Variants in CEP76 observed in about 807,000 individuals in gnomAD.
The protein encoded by CEP76 is centrosomal protein 76, also known as centrosomal protein of 76 kDa.
A neutral mutation model predicts 83.3 loss-of-function variants in CEP76; 55 were observed. The ratio of observed to expected loss-of-function variants is 0.66; its 90% CI spans 0.53 to 0.83. CEP76 has a LOEUF of 0.83. Ranked by LOEUF, CEP76 falls within the 40% of genes least tolerant of loss-of-function variation. CEP76 has a pLI of 0.00. For missense variants in CEP76, 694 were observed against 799.5 expected (o/e 0.87, Z 1.59); for synonymous variants, 270 against 274.5 (o/e 0.98, Z 0.16).
At chr18:12,671,637 A>ACTTT (rs141904842), downstream of CEP76, among the ~76,000 whole-genome samples, 11 of 121,952 alleles carry the variant, frequency 9.0e-5, no homozygotes, top group African/African-American at 3.3e-4. Flanking sequence ...CAGGTTTCAC[A>ACTTT]CTTTCTTTTT....
chr18:12,667,480 G>A (rs928905262), intron 12 of CEP76, among the ~76,000 whole-genome samples: 3 of 152,002 alleles, frequency 2.0e-5, no homozygotes, highest in Non-Finnish European at 4.4e-5. Context: ...TATAATATTC[G>A]GCCAGGCCGG....
At chr18:12,700,850 G>A (rs9962006) in intron 2 of CEP76, 108 bp downstream of exon 2, 319,156 of 768,962 alleles carry the variant, frequency 0.42, 68,808 homozygotes, top group Non-Finnish European at 0.46. Context: ...GAATGACCTT[G>A]AAGTGGTTTT....
At chr18:12,672,101 A>G (rs1488230942), downstream of CEP76, among the ~76,000 whole-genome samples, 2 of 146,976 alleles carry the variant, frequency 1.4e-5, no homozygotes, top group Non-Finnish European at 3.0e-5. Flanking sequence ...TACAGGTGTG[A>G]GCCACCATGC....
At chr18:12,672,600 TAATG>T (rs1328776549), downstream of CEP76, 3 of 943,742 alleles carry the variant, frequency 3.2e-6, no homozygotes, top group Non-Finnish European at 2.5e-6. Flanking sequence ...AAGAGGCTAA[TAATG>T]AATCCTCTGA....
chr18:12,666,172 TTTAAAA>T (rs2038799684), intron 12 of CEP76, among the ~76,000 whole-genome samples: 1 of 148,278 alleles, frequency 6.7e-6, no homozygotes, highest in African/African-American at 2.5e-5. Flanking sequence ...AAAAAAAAAG[TTTAAAA>T]TTAGCCAGTC....
Position 12,673,232 on chromosome 18 carries a change from T to G in CEP76, c.*133A>C, listed in dbSNP as rs9960249. ...TTTTTTTTAAACATTACCAGTCAAG[T>G]ATATACAAAATTGAAGTATGCCATT... On this transcript the variant is annotated 3_prime_UTR_variant, in exon 12 of 12. Transcript: ENST00000262127. 3.8e-3 allele frequency: 5,446 copies of G among 1,424,146 alleles called. 199 individuals are homozygous for G. In the African/African-American group the frequency reaches 0.071, roughly 19 times the overall value. 88.2% of individuals were successfully genotyped at this position (1,424,146 alleles called of 1,614,324 possible). A position where few individuals can be genotyped will look rare whatever the true frequency, so the allele number is the denominator to read the frequency against.
Position 12,702,521 on chromosome 18 carries a change from C to T in CEP76, c.28G>A (p.Glu10Lys). The change falls in exon 1 of 12, where the codon GAG becomes AAG. Residue 10 changes from glutamate to lysine, a missense_variant. Coordinates refer to ENST00000262127, the MANE Select transcript of CEP76 (RefSeq NM_024899.4). MSLPPEKAS[E>K]LKQLIHQQLS... The stretch of plus-strand genomic sequence containing the variant: ...TGCTGGTGGATGAGCTGCTTCAGCT[C>T]GGAGGCTTTCTCCGGAGGCAGCGAC... 1 of 1,609,106 alleles carries T rather than the reference C, an allele frequency of 6.2e-7. No individual in the cohort carries two copies. Among genetic ancestry groups the T allele is most frequent in the South Asian group, 1.1e-5 (1 of 90,300 alleles).
At chr18:12,693,041 C>A (rs951472068) in intron 6 of CEP76, among the ~76,000 whole-genome samples, 1 of 152,138 alleles carries the variant, frequency 6.6e-6, no homozygotes, top group Admixed American at 6.6e-5. Context: ...CCAGGCTGGT[C>A]TTGAACTCCT....
At position 12,674,526 on chromosome 18, in the gene CEP76, T is replaced by C. The variant is rs1451106295; in HGVS notation, c.1841+10A>G. The C allele has an allele frequency of 6.2e-7, 1 of 1,604,398 alleles. No individual in the cohort carries two copies. The highest frequency in any genetic ancestry group is 1.1e-5 in the South Asian group (1 of 90,814). Reference sequence around the variant, plus strand: ...AAACTGAAAAAATGATTCCGTAAATTACACCTTACCGAAGACATGTGGCAA... The same window carrying C: ...AAACTGAAAAAATGATTCCGTAAATCACACCTTACCGAAGACATGTGGCAA... On this transcript the variant is annotated intron_variant, in intron 11 of 11. Transcript: ENST00000262127.
intron 12 of CEP76, among the ~76,000 whole-genome samples, chr18:12,665,474 G>A (rs1401331297): frequency 1.3e-5 from 2 of 152,090 alleles, no homozygotes; most frequent in African/African-American, 2.4e-5. Flanking sequence ...TTTGTATAAA[G>A]AGCCACTGAT....
At chr18:12,668,057 G>A (rs1264452424), downstream of CEP76, among the ~76,000 whole-genome samples, 1 of 152,048 alleles carries the variant, frequency 6.6e-6, no homozygotes, top group Non-Finnish European at 1.5e-5. Context: ...CTGAGGTCAG[G>A]AGTTTGAAAC....
chr18:12,663,180 T>C (rs1364133437), intron 12 of CEP76, among the ~76,000 whole-genome samples: 4 of 152,226 alleles, frequency 2.6e-5, no homozygotes, highest in Non-Finnish European at 5.9e-5. Flanking sequence ...AATACTCTTT[T>C]ATAGTCATAT....
chr18:12,669,166 G>C (rs565464565), downstream of CEP76, among the ~76,000 whole-genome samples: 15 of 149,250 alleles, frequency 1.0e-4, 1 homozygote, highest in South Asian at 3.2e-3. Context: ...AAGCTGGAGT[G>C]CAGTGGTGTG....
At chr18:12,700,045 A>ATTT (rs1598668030) in intron 2 of CEP76, 140 bp from the exon 3 acceptor site, 1 of 455,360 alleles carries the variant, frequency 2.2e-6, no homozygotes, top group East Asian at 3.5e-5. Context: ...TTCCTAGCCT[A>ATTT]ATTAAAATAA....
At chr18:12,689,268 G>A (rs2039658962) in intron 7 of CEP76, among the ~76,000 whole-genome samples, 1 of 136,338 alleles carries the variant, frequency 7.3e-6, no homozygotes, top group African/African-American at 2.6e-5. Flanking sequence ...TTCAGAACTA[G>A]TCAAATACAG....
At chr18:12,683,375 A>G (rs781623890) in intron 8 of CEP76, among the ~76,000 whole-genome samples, 2 of 150,726 alleles carry the variant, frequency 1.3e-5, no homozygotes, top group African/African-American at 2.4e-5. Context: ...AGAAAACAAC[A>G]ACAACAAAAC....
intron 7 of CEP76, among the ~76,000 whole-genome samples, chr18:12,690,959 C>T (rs2039738593): frequency 6.7e-6 from 1 of 148,534 alleles, no homozygotes; most frequent in African/African-American, 2.5e-5. Flanking sequence ...GTTCTGCACA[C>T]AAGAGCTGGA....
Position 12,680,642 on chromosome 18 carries a change from T to C in CEP76, c.1289+20A>G, listed in dbSNP as rs778393922. 2 of 1,515,044 alleles carry C rather than the reference T, an allele frequency of 1.3e-6. 1 individual carries two copies. The highest frequency in any genetic ancestry group is 2.4e-5 in the South Asian group (2 of 82,846). The allele number at this position is 1,515,044 out of a possible 1,614,324, so 93.9% of individuals were successfully genotyped here. A position where few individuals can be genotyped will look rare whatever the true frequency, so the allele number is the denominator to read the frequency against. ...ACTTATAACTTCATTTTAATATCCT[T>C]ATAAACTTAGTAAACTAACCTGTGT... On this transcript the variant is annotated intron_variant, in intron 9 of 11. Transcript: ENST00000262127.
chr18:12,685,012 CTTTTT>C lies in CEP76; in HGVS notation c.1122+1245_1122+1249del, dbSNP rs932893246. 3 of 146,098 alleles carry C rather than the reference CTTTTT, an allele frequency of 2.1e-5. No homozygotes were observed. In the Admixed American group the frequency reaches 2.1e-4, roughly 10 times the overall value. 9.1% of individuals were successfully genotyped at this position (146,098 alleles called of 1,614,324 possible). A position where few individuals can be genotyped will look rare whatever the true frequency, so the allele number is the denominator to read the frequency against. On this transcript the variant is annotated intron_variant, in intron 8 of 11. Coordinates refer to ENST00000262127, the MANE Select transcript of CEP76 (RefSeq NM_024899.4). The stretch of plus-strand genomic sequence containing the variant: ...TATTAATTTTGTACTGCCATTTTCT[CTTTTT>C]TTTTTATGGAGTTTCGCTCGTTGCC...
Sources: allele counts gnomAD v4.1 joint callset (sites outside exome capture counted in the v4.1 genomes callset), GRCh38; gene constraint gnomAD v4.1.1; transcripts MANE v1.5; gene names NCBI Gene and HGNC (gene_info 2026-07-23, HGNC 2026-07-21).